The following PRKAB2 variants were observed in gnomAD, a reference collection of about 807,000 sequenced individuals.
PRKAB2 encodes 5'-AMP-activated protein kinase subunit beta-2.
In PRKAB2, 18 loss-of-function variants were observed where a neutral mutation model predicts 29.8. The observed-to-expected ratio is 0.60, with a 90% confidence interval of 0.42 to 0.89. PRKAB2 has a LOEUF of 0.89. Ranked by LOEUF, PRKAB2 falls within the 40% of genes least tolerant of loss-of-function variation. The pLI is 0.00. For synonymous variants in PRKAB2, 136 were observed against 125.9 expected (o/e 1.08, Z -0.54); for missense variants, 270 against 344.3 (o/e 0.78, Z 1.71).
chr1:147,159,336 T>G lies in PRKAB2; in HGVS notation c.*229A>C. The stretch of plus-strand genomic sequence containing the variant: ...TCTAGCTGGGGCTAGGAGGCTTCCA[T>G]TTACCTTCTTCTCATATGTATATTT... On this transcript the variant is annotated 3_prime_UTR_variant, in exon 8 of 8. Transcript: ENST00000254101. The G allele has an allele frequency of 4.2e-6, 2 of 480,942 alleles. No homozygotes were observed. Among genetic ancestry groups the G allele is most frequent in the Non-Finnish European group, 7.4e-6 (2 of 271,278 alleles). The allele number at this position is 480,942 out of a possible 1,614,324, so 29.8% of individuals were successfully genotyped here.
chr1:147,170,752 C>A (rs1654486735), intron 2 of PRKAB2, among the ~76,000 whole-genome samples: 1 of 152,008 alleles, frequency 6.6e-6, no homozygotes. Flanking sequence ...GCTACTTTTT[C>A]TGTATTTTTA....
chr1:147,171,706 T>C (rs983164535), intron 2 of PRKAB2, among the ~76,000 whole-genome samples: 21 of 152,268 alleles, frequency 1.4e-4, no homozygotes, highest in African/African-American at 4.8e-4. Context: ...CCATTCGTGC[T>C]CGGAGGATCG....
rs1653766660 is a variant in PRKAB2 at position 147,158,166 on chromosome 1, A to G, written c.*1399T>C. On this transcript the variant is annotated 3_prime_UTR_variant, in exon 8 of 8. Coordinates refer to ENST00000254101, the MANE Select transcript of PRKAB2 (RefSeq NM_005399.5). ...AAAAATGTTTTATCTCTGAACCCCA[A>G]AAGTGGATTGAATACTTTTCAGTCC... 1.3e-5 allele frequency: 2 copies of G among 152,158 alleles called. No homozygotes were observed. The highest frequency in any genetic ancestry group is 4.1e-4 in the South Asian group (2 of 4,832). The allele number at this position is 152,158 out of a possible 1,614,324, so 9.4% of individuals were successfully genotyped here. A position where few individuals can be genotyped will look rare whatever the true frequency, so the allele number is the denominator to read the frequency against.
In PRKAB2 at chr1:147,155,958, C is replaced by T. The variant is rs1443497081; in HGVS notation, c.*3607G>A. 6.6e-6 allele frequency: 1 copy of T among 152,098 alleles called. No homozygotes were observed. Among genetic ancestry groups the T allele is most frequent in the Admixed American group, 6.5e-5 (1 of 15,270 alleles). The allele number at this position is 152,098 out of a possible 1,614,324, so 9.4% of individuals were successfully genotyped here. A position where few individuals can be genotyped will look rare whatever the true frequency, so the allele number is the denominator to read the frequency against. ...GTTCATTGCAGAAATCACAGTCCTT[C>T]CATATCCAATTGTGATTGGCACTTA... is the stretch of plus-strand genomic sequence containing the variant. On this transcript the variant is annotated 3_prime_UTR_variant, in exon 8 of 8. Transcript: ENST00000254101.
At chr1:147,164,647 C>T (rs1334440382) in intron 5 of PRKAB2, among the ~76,000 whole-genome samples, 2 of 151,996 alleles carry the variant, frequency 1.3e-5, no homozygotes, top group African/African-American at 4.8e-5. Context: ...GCCTTTTCAC[C>T]AGAAAAAAAT....
intron 2 of PRKAB2, among the ~76,000 whole-genome samples, chr1:147,169,178 T>TG (rs1654395364): frequency 1.3e-5 from 2 of 152,058 alleles, no homozygotes; most frequent in East Asian, 3.9e-4. Context: ...TTGAATAATG[T>TG]GGGTTTTTTT....
chr1:147,171,976 A>G lies in PRKAB2; in HGVS notation c.156+13T>C, dbSNP rs1348316. On this transcript the variant is annotated intron_variant, in intron 2 of 7. Coordinates refer to ENST00000254101, the MANE Select transcript of PRKAB2 (RefSeq NM_005399.5). ...TGCAGTACTGACACCAACTGCGGGC[A>G]TGGGACGCTTACCTTGGAGTCAGGG... 717,069 of 1,593,398 alleles carry G rather than the reference A, an allele frequency of 0.45. 173,203 individuals are homozygous for G. The highest frequency in any genetic ancestry group is 0.88 in the East Asian group (38,039 of 43,470).
At chr1:147,160,909 ATTG>A (rs1653919869) in intron 7 of PRKAB2, 1 of 152,162 alleles carries the variant, frequency 6.6e-6, no homozygotes, top group Non-Finnish European at 1.5e-5. Context: ...TAAGTGTTAT[ATTG>A]TACCACATAG....
At position 147,172,082 on chromosome 1, in the gene PRKAB2, G is replaced by A. The variant is rs781992865; in HGVS notation, c.63C>T (p.Ser21=). 3.2e-6 allele frequency: 5 copies of A among 1,567,854 alleles called. No individual in the cohort carries two copies. Among genetic ancestry groups the A allele is most frequent in the Non-Finnish European group, 4.3e-6 (5 of 1,157,312 alleles). Reference sequence around the variant, plus strand: ...CCGGGGCATGGCCGCCTGCGCCCTCGGAGCGTGCAGCCTTGGCGCCGTGGC... The same window carrying A: ...CCGGGGCATGGCCGCCTGCGCCCTCAGAGCGTGCAGCCTTGGCGCCGTGGC... ...GERHGAKAAR[S]EGAGGHAPGK... The change falls in exon 2 of 8, where the codon TCC becomes TCT. Residue 21 remains serine, a synonymous_variant. Coordinates refer to ENST00000254101, the MANE Select transcript of PRKAB2 (RefSeq NM_005399.5).
At position 147,166,590 on chromosome 1, in the gene PRKAB2, AT is replaced by A; in HGVS notation, c.445del (p.Ile149LeufsTer4). 1 of 1,614,152 alleles carries A rather than the reference AT, an allele frequency of 6.2e-7. No individual in the cohort carries two copies. Among genetic ancestry groups the A allele is most frequent in the Non-Finnish European group, 8.5e-7 (1 of 1,180,008 alleles). Reference sequence around the variant, plus strand: ...TTTCTTGACATGGATCAAATTGTTAATTGTGCCAAGCTGACTGGTAACCACA... The same window carrying A: ...TTTCTTGACATGGATCAAATTGTTAATGTGCCAAGCTGACTGGTAACCACA... ...EPVVTSQLGT[I>X]NNLIHVKKSD... On this transcript the variant is annotated frameshift_variant, in exon 5 of 8. Coordinates refer to ENST00000254101, the MANE Select transcript of PRKAB2 (RefSeq NM_005399.5). LOFTEE classifies it high-confidence loss of function.
intron 2 of PRKAB2, among the ~76,000 whole-genome samples, chr1:147,168,980 A>G (rs1233688876): frequency 1.3e-5 from 2 of 152,136 alleles, no homozygotes; most frequent in African/African-American, 4.8e-5. Context: ...GCTTACCTAT[A>G]TTGTCTATAG....
chr1:147,164,808 A>G (rs1654156035), intron 5 of PRKAB2, among the ~76,000 whole-genome samples: 1 of 152,236 alleles, frequency 6.6e-6, no homozygotes, highest in Non-Finnish European at 1.5e-5. Flanking sequence ...GGGAAATATC[A>G]AAAGTATGCA....
intron 2 of PRKAB2, among the ~76,000 whole-genome samples, chr1:147,168,966 C>T (rs1006242739): frequency 1.8e-4 from 28 of 152,148 alleles, no homozygotes; most frequent in Admixed American, 1.8e-3. Flanking sequence ...AACATACCTG[C>T]CTTGCTTACC....
Position 147,159,580 on chromosome 1 carries a change from T to G in PRKAB2, c.804A>C (p.Leu268=), listed in dbSNP as rs782439874. 2 of 1,613,470 alleles carry G rather than the reference T, an allele frequency of 1.2e-6. No homozygotes were observed. Among genetic ancestry groups the G allele is most frequent in the African/African-American group, 2.7e-5 (2 of 75,000 alleles). Residue 268 remains leucine, a synonymous_variant, in exon 8 of 8, where the codon CTA becomes CTC. Coordinates refer to ENST00000254101, the MANE Select transcript of PRKAB2 (RefSeq NM_005399.5). ...RYKKKYVTTL[L]YKPI ...AGGGATCCCTTCAAATGGGCTTGTA[T>G]AGCAGAGTAGTAACATACTTCTTCT...
intron 5 of PRKAB2, among the ~76,000 whole-genome samples, chr1:147,163,681 C>T (rs587597214): frequency 2.9e-4 from 44 of 152,010 alleles, no homozygotes; most frequent in African/African-American, 9.6e-4. Context: ...TTGCCAGGGA[C>T]GGAGGGGAGG....
At chr1:147,170,595 G>GTTTTT (rs782548494) in intron 2 of PRKAB2, among the ~76,000 whole-genome samples, 2 of 151,574 alleles carry the variant, frequency 1.3e-5, no homozygotes, top group South Asian at 2.1e-4. Flanking sequence ...TTGTTTTTTT[G>GTTTTT]TTTTTTTGTT....
At chr1:147,171,916 C>A (rs72708505) in intron 2 of PRKAB2, 73 bp downstream of exon 2, 47,690 of 1,541,996 alleles carry the variant, frequency 0.031, 1,083 homozygotes, top group South Asian at 0.089. Context: ...AGAAAAGAAC[C>A]AAGAAAGGGA....
rs1352488709 is a variant in PRKAB2, at chr1:147,157,198, C to T, written c.*2367G>A. On this transcript the variant is annotated 3_prime_UTR_variant, in exon 8 of 8. Transcript: ENST00000254101. ...GTAGTACTTTGGGTTACTTCCTTCT[C>T]TTCCTCCCTCTCTTCCAAATAGACT... 6.6e-6 allele frequency: 1 copy of T among 152,148 alleles called. No homozygotes were observed. The highest frequency in any genetic ancestry group is 1.5e-5 in the Non-Finnish European group (1 of 68,012). 9.4% of individuals were successfully genotyped at this position (152,148 alleles called of 1,614,324 possible).
At chr1:147,168,070 A>T (rs1313980908) in intron 2 of PRKAB2, 137 bp from the exon 3 acceptor site, 7 of 932,240 alleles carry the variant, frequency 7.5e-6, no homozygotes, top group South Asian at 2.2e-5. Flanking sequence ...ACTAAATCAG[A>T]GTTTGAACAA....
Sources: gnomAD v4.1 joint callset for allele counts (sites outside exome capture counted in the v4.1 genomes callset) on GRCh38, gnomAD v4.1.1 for gene constraint, MANE v1.5 for transcripts, NCBI Gene and HGNC (gene_info 2026-07-23, HGNC 2026-07-21) for gene names.